PIBF1: variants seen among roughly 807,000 people sequenced by gnomAD.
PIBF1 encodes the protein progesterone immunomodulatory binding factor 1, also known as progesterone-induced-blocking factor 1.
A neutral mutation model predicts 112.5 loss-of-function variants in PIBF1; 90 were observed. That is an observed-to-expected ratio of 0.80 (90% CI 0.67 to 0.95). The LOEUF (loss-of-function observed/expected upper bound fraction) is 0.95, where lower values mean the gene tolerates loss of function less well. PIBF1 is among the 40% of genes least tolerant of loss of function. The probability of loss-of-function intolerance (pLI) is 0.00; values close to 1 mark genes in which losing one functional copy is unlikely to be tolerated. For missense variants in PIBF1, 915 were observed against 852.3 expected (o/e 1.07, Z -0.92); for synonymous variants, 301 against 288.6 (o/e 1.04, Z -0.44).
At chr13:72,880,568 G>A (rs2039583351) in intron 10 of PIBF1, among the ~76,000 whole-genome samples, 2 of 152,158 alleles carry the variant, frequency 1.3e-5, no homozygotes. Context: ...TATGAAAGCT[G>A]AGACACAGGT....
intron 11 of PIBF1, among the ~76,000 whole-genome samples, chr13:72,907,391 G>C (rs1056908758): frequency 1.3e-5 from 2 of 152,026 alleles, no homozygotes; most frequent in African/African-American, 4.8e-5. Context: ...GTCTTTAAAA[G>C]TGTTTAATTG....
At chr13:72,805,356 A>T (rs976473348) in intron 5 of PIBF1, among the ~76,000 whole-genome samples, 18 of 152,192 alleles carry the variant, frequency 1.2e-4, no homozygotes, top group Non-Finnish European at 2.4e-4. Context: ...GTTAGCCAGG[A>T]TGGTCTCGAT....
chr13:73,009,583 G>A (rs1385913533), intron 17 of PIBF1, among the ~76,000 whole-genome samples: 1 of 152,084 alleles, frequency 6.6e-6, no homozygotes, highest in African/African-American at 2.4e-5. Context: ...TGTAAGTATG[G>A]GCCAGATCCT....
rs1382898865 is a variant in PIBF1, at chr13:72,795,382, A to T, written c.377A>T (p.Gln126Leu). 6.3e-7 allele frequency: 1 copy of T among 1,596,676 alleles called. No individual in the cohort carries two copies. The highest frequency in any genetic ancestry group is 8.5e-7 in the Non-Finnish European group (1 of 1,173,012). ...DASKYQELMKQEMETILLRQK... is the reference protein window; with the variant it reads ...DASKYQELMKLEMETILLRQK... Reference sequence around the variant, plus strand: ...AGCAAATATCAAGAATTAATGAAACAAGAAATGGAAACCATTTTGTTGAGA... The same window carrying T: ...AGCAAATATCAAGAATTAATGAAACTAGAAATGGAAACCATTTTGTTGAGA... The change falls in exon 4 of 18, where the codon CAA becomes CTA. Residue 126 changes from glutamine (Q) to leucine (L), a missense_variant. Transcript: ENST00000326291.
chr13:72,939,386 C>A (rs1437608935), intron 14 of PIBF1, among the ~76,000 whole-genome samples: 1 of 152,164 alleles, frequency 6.6e-6, no homozygotes, highest in Non-Finnish European at 1.5e-5. Flanking sequence ...AATACCCACT[C>A]CTCTTTGCCC....
At chr13:72,926,823 T>C (rs2041499662) in intron 13 of PIBF1, among the ~76,000 whole-genome samples, 1 of 152,216 alleles carries the variant, frequency 6.6e-6, no homozygotes, top group Non-Finnish European at 1.5e-5. Flanking sequence ...TGCCTTTTCT[T>C]AGCATTTAGC....
At chr13:72,810,353 CTA>C (rs2035948829) in intron 5 of PIBF1, among the ~76,000 whole-genome samples, 1 of 152,130 alleles carries the variant, frequency 6.6e-6, no homozygotes. Flanking sequence ...CTTAATAAAA[CTA>C]TTAAATTTCA....
At chr13:72,978,356 C>T (rs1282390550) in intron 16 of PIBF1, among the ~76,000 whole-genome samples, 1 of 152,160 alleles carries the variant, frequency 6.6e-6, no homozygotes, top group Non-Finnish European at 1.5e-5. Context: ...GAAACTGATG[C>T]TGATAAGAGT....
intron 14 of PIBF1, among the ~76,000 whole-genome samples, chr13:72,938,066 GT>G (rs1314448489): frequency 6.6e-6 from 1 of 151,974 alleles, no homozygotes; most frequent in African/African-American, 2.4e-5. Context: ...CCTATTTTTA[GT>G]TTTTTTGTTT....
chr13:72,949,198 A>C (rs1252333366), intron 14 of PIBF1, among the ~76,000 whole-genome samples: 1 of 151,648 alleles, frequency 6.6e-6, no homozygotes, highest in African/African-American at 2.4e-5. Context: ...AAAACTGGCC[A>C]CAAAGTTGAC....
intron 16 of PIBF1, among the ~76,000 whole-genome samples, chr13:72,987,052 T>G (rs2043313758): frequency 6.6e-6 from 1 of 152,240 alleles, no homozygotes; most frequent in African/African-American, 2.4e-5. Context: ...TAGTCAGTAC[T>G]TCTTTCTTTA....
At chr13:72,894,445 G>T (rs1189466269) in intron 11 of PIBF1, among the ~76,000 whole-genome samples, 5 of 151,764 alleles carry the variant, frequency 3.3e-5, no homozygotes, top group Non-Finnish European at 1.5e-5. Context: ...TTTTTAAAAA[G>T]AAATAATGGA....
At chr13:72,982,932 C>T (rs1455769897) in intron 16 of PIBF1, among the ~76,000 whole-genome samples, 2 of 152,238 alleles carry the variant, frequency 1.3e-5, no homozygotes, top group African/African-American at 4.8e-5. Flanking sequence ...GGTTTGTCTA[C>T]AGGAGAGCTA....
intron 14 of PIBF1, among the ~76,000 whole-genome samples, chr13:72,963,118 A>G (rs527956408): frequency 6.6e-6 from 1 of 152,324 alleles, no homozygotes; most frequent in South Asian, 2.1e-4. Flanking sequence ...ACCTTACACC[A>G]TATTCAAAAG....
chr13:72,917,880 C>T (rs888135758), intron 13 of PIBF1, among the ~76,000 whole-genome samples: 2 of 152,064 alleles, frequency 1.3e-5, no homozygotes, highest in Non-Finnish European at 2.9e-5. Flanking sequence ...GGAGGATATG[C>T]GTAGGTTGTA....
At chr13:72,792,121 C>A (rs1046999391) in intron 2 of PIBF1, among the ~76,000 whole-genome samples, 3 of 151,842 alleles carry the variant, frequency 2.0e-5, no homozygotes, top group Non-Finnish European at 4.4e-5. Flanking sequence ...CATGGTGAAA[C>A]CCTGTCTCTA....
chr13:72,923,240 G>A (rs940086203), intron 13 of PIBF1, among the ~76,000 whole-genome samples: 2 of 152,190 alleles, frequency 1.3e-5, no homozygotes, highest in East Asian at 3.8e-4. Context: ...ACTCTGTCAT[G>A]TCCACATTTG....
At chr13:72,853,376 A>G in intron 9 of PIBF1, among the ~76,000 whole-genome samples, 1 of 152,288 alleles carries the variant, frequency 6.6e-6, no homozygotes, top group Non-Finnish European at 1.5e-5. Flanking sequence ...TAATTTAGTC[A>G]TACTAATTTT....
chr13:72,906,254 A>T (rs11843147), intron 11 of PIBF1, among the ~76,000 whole-genome samples: 29,695 of 152,004 alleles, frequency 0.2, 3,045 homozygotes, highest in Middle Eastern at 0.27. Context: ...AAAGGCTCCC[A>T]GAAGCGTTGG....
Sources: gnomAD v4.1 joint callset for allele counts (sites outside exome capture counted in the v4.1 genomes callset) on GRCh38, gnomAD v4.1.1 for gene constraint, MANE v1.5 for transcripts, NCBI Gene and HGNC (gene_info 2026-07-23, HGNC 2026-07-21) for gene names.